Variants in CYSLTR2 observed in about 807,000 individuals in gnomAD.
CYSLTR2 encodes the protein cysteinyl leukotriene receptor 2.
For missense variants in CYSLTR2, 398 were observed against 411.9 expected, an observed-to-expected ratio of 0.97 and a Z score of 0.29; for synonymous variants, 179 against 160.8, an observed-to-expected ratio of 1.11 and a Z score of -0.86.
rs1399411932 is a variant in CYSLTR2, at chr13:48,693,521, A to T, written c.-103+11A>T. On this transcript the variant is annotated intron_variant, in intron 3 of 4. Transcript: ENST00000682523. Reference sequence around the variant, plus strand: ...GGGTCATTTGATAAGGTAACGATTAATTTCTGAAGACAGGGGAAAAGAGAG... The same window carrying T: ...GGGTCATTTGATAAGGTAACGATTATTTTCTGAAGACAGGGGAAAAGAGAG... 1 of 151,878 alleles carries T rather than the reference A, an allele frequency of 6.6e-6. No individual in the cohort carries two copies. Among genetic ancestry groups the T allele is most frequent in the Non-Finnish European group, 1.5e-5 (1 of 67,992 alleles). The allele number at this position is 151,878 out of a possible 1,614,324, so 9.4% of individuals were successfully genotyped here. A position where few individuals can be genotyped will look rare whatever the true frequency, so the allele number is the denominator to read the frequency against.
chr13:48,663,766 T>C (rs1016406084), intron 1 of CYSLTR2, among the ~76,000 whole-genome samples: 2 of 152,078 alleles, frequency 1.3e-5, no homozygotes, highest in Admixed American at 6.5e-5. Context: ...GAGATTATCA[T>C]CTGTAAACAG....
At chr13:48,702,635 C>T (rs2138991519) in intron 4 of CYSLTR2, among the ~76,000 whole-genome samples, 1 of 152,234 alleles carries the variant, frequency 6.6e-6, no homozygotes, top group Non-Finnish European at 1.5e-5. Context: ...GGTTTCTATT[C>T]TTTTCTGTTG....
chr13:48,676,675 G>T (rs1194546052), intron 1 of CYSLTR2, among the ~76,000 whole-genome samples: 1 of 152,214 alleles, frequency 6.6e-6, no homozygotes, highest in Non-Finnish European at 1.5e-5. Flanking sequence ...AATTCAGACA[G>T]AGTTTGAGGT....
At position 48,707,313 on chromosome 13, in the gene CYSLTR2, A is replaced by T. The variant is rs761715699; in HGVS notation, c.496A>T (p.Ile166Phe). 4.3e-6 allele frequency: 7 copies of T among 1,614,042 alleles called. No individual in the cohort carries two copies. The highest frequency in any genetic ancestry group is 1.7e-5 in the Admixed American group (1 of 60,006). ...CCTCTGTGGGATCATATGGATCCTT[A>T]TCATGGCTTCCTCAATAATGCTCCT... ...WILCGIIWIL[I>F]MASSIMLLDS... is the part of the protein sequence containing the mutation. Residue 166 changes from isoleucine to phenylalanine, a missense_variant, in exon 5 of 5, where the codon ATC becomes TTC. By Grantham distance (21) the Ile-to-Phe change is conservative (BLOSUM62 0). Coordinates refer to ENST00000682523, the MANE Select transcript of CYSLTR2 (RefSeq NM_001308476.3).
intron 4 of CYSLTR2, among the ~76,000 whole-genome samples, chr13:48,700,258 C>T (rs1594018162): frequency 6.6e-6 from 1 of 152,128 alleles, no homozygotes. Flanking sequence ...AACATTGATG[C>T]AAAAATCCTA....
intron 3 of CYSLTR2, among the ~76,000 whole-genome samples, chr13:48,695,068 ATTTTT>A (rs869282546): frequency 0.067 from 4,735 of 71,162 alleles, 88 homozygotes; most frequent in African/African-American, 0.21. Flanking sequence ...AGAACCTGGC[ATTTTT>A]TTTTTTTTTT....
intron 1 of CYSLTR2, among the ~76,000 whole-genome samples, chr13:48,658,410 A>G (rs1458690621): frequency 2.0e-5 from 3 of 152,214 alleles, no homozygotes; most frequent in African/African-American, 7.2e-5. Flanking sequence ...AAGGCATAAA[A>G]TGAGGGTGTT....
intron 4 of CYSLTR2, 60 bp from the exon 5 acceptor site, chr13:48,706,757 C>A: frequency 7.4e-7 from 1 of 1,359,732 alleles, no homozygotes; most frequent in Non-Finnish European, 1.0e-6. Context: ...AATCAGTAAG[C>A]AAGAAGGAAA....
intron 1 of CYSLTR2, among the ~76,000 whole-genome samples, chr13:48,688,149 C>T (rs1030266365): frequency 2.0e-5 from 3 of 152,222 alleles, no homozygotes; most frequent in African/African-American, 7.2e-5. Flanking sequence ...ATGGTGCAAT[C>T]ATGGCTAACA....
intron 1 of CYSLTR2, among the ~76,000 whole-genome samples, chr13:48,665,549 A>G (rs1386388222): frequency 6.6e-6 from 1 of 152,046 alleles, no homozygotes; most frequent in Non-Finnish European, 1.5e-5. Flanking sequence ...TCATCTTTCT[A>G]TTATTATATA....
In CYSLTR2 at chr13:48,669,325, C is replaced by T. The variant is rs1025333797; in HGVS notation, c.-266+15308C>T. Among the ~76,000 whole-genome samples, 8 of 151,682 alleles carry T rather than the reference C, an allele frequency of 5.3e-5. No homozygotes were observed. In the East Asian group the frequency reaches 7.7e-4, roughly 15 times the overall value. ...TAAGTTCAGGGATACATGTGCAGAA[C>T]GTGCAGATTTTTTACAAAGGCATAC... On this transcript the variant is annotated intron_variant, in intron 1 of 4. Transcript: ENST00000682523.
In CYSLTR2 at chr13:48,710,588, G is replaced by A. The variant is rs1307024574; in HGVS notation, c.*2730G>A. The A allele has an allele frequency of 1.3e-5, 2 of 152,206 alleles. No homozygotes were observed. Among genetic ancestry groups the A allele is most frequent in the Non-Finnish European group, 2.9e-5 (2 of 68,032 alleles). The allele number at this position is 152,206 out of a possible 1,614,324, so 9.4% of individuals were successfully genotyped here. ...TAAGGAAAGAAAAAAAACACATGCT[G>A]AAGTTGCTAAGATCTACAGTAAGAA... On this transcript the variant is annotated 3_prime_UTR_variant, in exon 5 of 5. Coordinates refer to ENST00000682523, the MANE Select transcript of CYSLTR2 (RefSeq NM_001308476.3).
At chr13:48,687,702 T>A (rs538125632) in intron 1 of CYSLTR2, among the ~76,000 whole-genome samples, 1 of 152,308 alleles carries the variant, frequency 6.6e-6, no homozygotes, top group Non-Finnish European at 1.5e-5. Flanking sequence ...CTTGACTTTT[T>A]TGGAGATTTC....
intron 1 of CYSLTR2, among the ~76,000 whole-genome samples, chr13:48,682,181 C>T (rs2138899020): frequency 1.3e-5 from 2 of 152,190 alleles, no homozygotes; most frequent in South Asian, 4.1e-4. Flanking sequence ...GACATTAATC[C>T]CTCTCCACAT....
intron 2 of CYSLTR2, among the ~76,000 whole-genome samples, chr13:48,692,586 T>C (rs941592507): frequency 2.6e-5 from 4 of 151,476 alleles, no homozygotes; most frequent in Admixed American, 6.6e-5. Flanking sequence ...ATTTACCCTC[T>C]GAATAAATGG....
chr13:48,678,297 C>T (rs1374479029), intron 1 of CYSLTR2, among the ~76,000 whole-genome samples: 1 of 152,144 alleles, frequency 6.6e-6, no homozygotes, highest in Non-Finnish European at 1.5e-5. Context: ...GCATGACCAC[C>T]GGACTGGGTC....
intron 4 of CYSLTR2, among the ~76,000 whole-genome samples, chr13:48,705,743 A>G (rs1405663612): frequency 6.6e-6 from 1 of 150,878 alleles, no homozygotes; most frequent in African/African-American, 2.4e-5. Context: ...CATTTATAAT[A>G]TAACTATCTC....
intron 1 of CYSLTR2, among the ~76,000 whole-genome samples, chr13:48,668,766 A>G (rs1336791294): frequency 6.6e-6 from 1 of 151,074 alleles, no homozygotes; most frequent in African/African-American, 2.4e-5. Context: ...TTGTCCCCCA[A>G]CCCCCGACAG....
intron 4 of CYSLTR2, among the ~76,000 whole-genome samples, chr13:48,701,976 G>A (rs1050284128): frequency 2.0e-5 from 3 of 151,966 alleles, no homozygotes; most frequent in African/African-American, 7.3e-5. Flanking sequence ...GTTTATTGTG[G>A]CACTATTCAC....
Sources: gnomAD v4.1 joint callset for allele counts (sites outside exome capture counted in the v4.1 genomes callset) on GRCh38, gnomAD v4.1.1 for gene constraint, MANE v1.5 for transcripts, NCBI Gene and HGNC (gene_info 2026-07-23, HGNC 2026-07-21) for gene names.